HIVEP1: variants seen among roughly 807,000 people sequenced by gnomAD.
HIVEP1 encodes HIVEP zinc finger 1.
Under a neutral mutation model 180.0 loss-of-function variants are expected in HIVEP1, and 36 were observed. The observed-to-expected ratio is 0.20, with a 90% confidence interval of 0.15 to 0.26. The LOEUF (loss-of-function observed/expected upper bound fraction) is 0.26. HIVEP1 is among the 10% of genes least tolerant of loss of function. The pLI, the probability that HIVEP1 is intolerant of heterozygous loss-of-function variation, is 1.00. For missense variants in HIVEP1, 3,143 were observed against 3,268.7 expected (o/e 0.96, Z 0.94); for synonymous variants, 1,239 against 1,239.0 (o/e 1.00, Z 0.00).
Position 12,125,885 on chromosome 6 carries a change from AT to A in HIVEP1, c.6075+18del. 6.7e-7 allele frequency: 1 copy of A among 1,498,338 alleles called. No homozygotes were observed. The highest frequency in any genetic ancestry group is 1.2e-5 in the South Asian group (1 of 83,112). 92.8% of individuals were successfully genotyped at this position (1,498,338 alleles called of 1,614,324 possible). On this transcript the variant is annotated intron_variant, in intron 4 of 8. Transcript: ENST00000379388. ...GCTTAAGCAAGGTACTTGAAATATA[AT>A]TTATCTTCAGATATGGTTTGCGCAA...
At chr6:12,102,591 G>T (rs781075571) in intron 3 of HIVEP1, among the ~76,000 whole-genome samples, 10 of 152,172 alleles carry the variant, frequency 6.6e-5, no homozygotes, top group Non-Finnish European at 1.3e-4. Flanking sequence ...AGGTAATTCT[G>T]CATTTGAATT....
intron 7 of HIVEP1, among the ~76,000 whole-genome samples, chr6:12,158,653 C>G (rs1261190509): frequency 1.3e-5 from 2 of 152,160 alleles, no homozygotes. Flanking sequence ...GTTCTCCTCC[C>G]TCTCCCCCAA....
intron 2 of HIVEP1, among the ~76,000 whole-genome samples, chr6:12,076,908 C>T (rs1190364777): frequency 1.3e-5 from 2 of 152,102 alleles, no homozygotes; most frequent in African/African-American, 2.4e-5. Context: ...AGCTACTTAA[C>T]GTTACATGAG....
Position 12,124,733 on chromosome 6 carries a change from T to G in HIVEP1, c.4938T>G (p.Ala1646=). ...LPIRLQSSVP[A]YCFATLTSLP... ...TACGCCTGCAGAGTAGTGTTCCTGC[T>G]TACTGTTTTGCTACACTCACATCCC... The change falls in exon 4 of 9, where the codon GCT becomes GCG. Residue 1646 remains alanine, a synonymous_variant. Transcript: ENST00000379388. 1 of 1,614,166 alleles carries G rather than the reference T, an allele frequency of 6.2e-7. No homozygotes were observed. Among genetic ancestry groups the G allele is most frequent in the Non-Finnish European group, 8.5e-7 (1 of 1,180,028 alleles).
In HIVEP1 at chr6:12,124,735, A is replaced by G. The variant is rs771547300; in HGVS notation, c.4940A>G (p.Tyr1647Cys). 3.7e-6 allele frequency: 6 copies of G among 1,614,184 alleles called. No homozygotes were observed. Among genetic ancestry groups the G allele is most frequent in the Non-Finnish European group, 5.1e-6 (6 of 1,180,024 alleles). Reference protein sequence around the residue: ...PIRLQSSVPAYCFATLTSLPQ... With the variant: ...PIRLQSSVPACCFATLTSLPQ... ...CGCCTGCAGAGTAGTGTTCCTGCTT[A>G]CTGTTTTGCTACACTCACATCCCTG... is the stretch of plus-strand genomic sequence containing the variant. The change falls in exon 4 of 9, where the codon TAC becomes TGC. Residue 1647 changes from tyrosine to cysteine, a missense_variant. Physicochemically the swap from Tyr to Cys is radical, Grantham distance 194. Coordinates refer to ENST00000379388, the MANE Select transcript of HIVEP1 (RefSeq NM_002114.4).
At chr6:12,209,657 C>G in the HIVEP1 span, among the ~76,000 whole-genome samples, 1 of 152,096 alleles carries the variant, frequency 6.6e-6, no homozygotes, top group South Asian at 2.1e-4. Context: ...TAATAATCAT[C>G]ATAATACTTA....
At chr6:12,131,714 T>G (rs772102554) in intron 6 of HIVEP1, among the ~76,000 whole-genome samples, 33 of 125,576 alleles carry the variant, frequency 2.6e-4, no homozygotes, top group Admixed American at 1.4e-3. Flanking sequence ...TATGCCACTC[T>G]CTAAAAACCA....
chr6:12,147,387 T>A (rs1227309200), intron 7 of HIVEP1, among the ~76,000 whole-genome samples: 3 of 152,226 alleles, frequency 2.0e-5, no homozygotes, highest in African/African-American at 7.2e-5. Flanking sequence ...GAACCGAAGT[T>A]GTTTAAAGCT....
chr6:12,133,253 G>A (rs1292828416), intron 6 of HIVEP1, among the ~76,000 whole-genome samples: 4 of 152,066 alleles, frequency 2.6e-5, no homozygotes, highest in Non-Finnish European at 4.4e-5. Context: ...ATGATTCTAC[G>A]TTAAAGGTCA....
At chr6:12,075,992 T>C (rs1772325139) in intron 2 of HIVEP1, among the ~76,000 whole-genome samples, 2 of 152,216 alleles carry the variant, frequency 1.3e-5, no homozygotes, top group East Asian at 3.8e-4. Context: ...CTCCACCTGT[T>C]TTATAAGTTG....
intron 3 of HIVEP1, among the ~76,000 whole-genome samples, chr6:12,095,951 TACA>T (rs1320100946): frequency 6.6e-6 from 1 of 152,056 alleles, no homozygotes; most frequent in Non-Finnish European, 1.5e-5. Context: ...AGCAGTCACC[TACA>T]GAAATGTTAC....
intron 2 of HIVEP1, chr6:12,020,345 G>C (rs1393903915): frequency 2.1e-6 from 1 of 471,190 alleles, no homozygotes; most frequent in South Asian, 1.5e-5. Flanking sequence ...CAGAAGAAAG[G>C]CTTAGCATGT....
At chr6:12,201,431 T>C in the HIVEP1 span, among the ~76,000 whole-genome samples, 95 of 152,304 alleles carry the variant, frequency 6.2e-4, 1 homozygote, top group Admixed American at 6.2e-3. Flanking sequence ...GATCCATCAT[T>C]GTGCCACTGC....
intron 2 of HIVEP1, among the ~76,000 whole-genome samples, chr6:12,078,123 A>G (rs1772490489): frequency 6.6e-6 from 1 of 152,230 alleles, no homozygotes; most frequent in South Asian, 2.1e-4. Context: ...TAGGATTAAT[A>G]TCTGACAGGC....
intron 2 of HIVEP1, among the ~76,000 whole-genome samples, chr6:12,048,877 C>T (rs947909472): frequency 2.6e-5 from 4 of 152,074 alleles, no homozygotes; most frequent in African/African-American, 9.7e-5. Context: ...CAATTCAAAC[C>T]AAAATCAAGC....
chr6:12,205,434 G>A, the HIVEP1 span, among the ~76,000 whole-genome samples: 14 of 151,724 alleles, frequency 9.2e-5, no homozygotes, highest in African/African-American at 2.9e-4. Flanking sequence ...TTGCGCCACT[G>A]CACTCCAGCC....
chr6:12,199,154 C>G, the HIVEP1 span, among the ~76,000 whole-genome samples: 5 of 152,200 alleles, frequency 3.3e-5, no homozygotes, highest in Admixed American at 1.3e-4. Flanking sequence ...CTTATTTGTT[C>G]ATGGCATCTT....
downstream of HIVEP1, among the ~76,000 whole-genome samples, chr6:12,167,814 A>C (rs561925101): frequency 2.4e-4 from 35 of 145,468 alleles, no homozygotes; most frequent in East Asian, 5.4e-3. Flanking sequence ...ACATGTATAG[A>C]TGTGCGTATA....
intron 6 of HIVEP1, among the ~76,000 whole-genome samples, chr6:12,135,540 T>C (rs1051107735): frequency 1.3e-5 from 2 of 152,112 alleles, no homozygotes; most frequent in Non-Finnish European, 2.9e-5. Context: ...GATTAGAGAA[T>C]AGAAAACATA....
Sources: gnomAD v4.1 joint callset for allele counts (sites outside exome capture counted in the v4.1 genomes callset) on GRCh38, gnomAD v4.1.1 for gene constraint, MANE v1.5 for transcripts, NCBI Gene and HGNC (gene_info 2026-07-23, HGNC 2026-07-21) for gene names.